The following CDK5RAP2 variants were observed in gnomAD, a reference collection of about 807,000 sequenced individuals.
CDK5RAP2 encodes the protein CDK5 regulatory subunit associated protein 2, also known as CDK5 regulatory subunit-associated protein 2.
Under a neutral mutation model 232.9 loss-of-function variants are expected in CDK5RAP2, and 147 were observed. The observed-to-expected ratio is 0.63, with a 90% CI of 0.55 to 0.72. The LOEUF is 0.72. Ranked by LOEUF, CDK5RAP2 falls within the 30% of genes least tolerant of loss-of-function variation. CDK5RAP2 has a pLI of 0.00. For missense variants in CDK5RAP2, 2,195 were observed against 2,231.5 expected (o/e 0.98, Z 0.33); for synonymous variants, 833 against 833.7 (o/e 1.00, Z 0.01).
At chr9:120,437,766 A>AAAGTACAG (rs1187741120) in intron 24 of CDK5RAP2, among the ~76,000 whole-genome samples, 1 of 152,240 alleles carries the variant, frequency 6.6e-6, no homozygotes, top group Non-Finnish European at 1.5e-5. Flanking sequence ...GCCCCCAATT[A>AAAGTACAG]AAGTACAGAT....
chr9:120,442,619 C>G (rs1277307532), intron 23 of CDK5RAP2, among the ~76,000 whole-genome samples: 1 of 152,206 alleles, frequency 6.6e-6, no homozygotes, highest in Non-Finnish European at 1.5e-5. Flanking sequence ...GTATTAATAA[C>G]TATCAAGAAG....
chr9:120,545,802 G>T lies in CDK5RAP2; in HGVS notation c.307-12C>A. 2 of 1,606,330 alleles carry T rather than the reference G, an allele frequency of 1.2e-6. No individual in the cohort carries two copies. The highest frequency in any genetic ancestry group is 1.7e-6 in the Non-Finnish European group (2 of 1,173,188). On this transcript the variant is annotated splice_polypyrimidine_tract_variant and intron_variant, in intron 4 of 37. Transcript: ENST00000349780. ...TTGAGCTCAATGTTCTACAAAACAA[G>T]ATTAAGAAAGAAAAGAAACAATGTA...
chr9:120,490,035 G>A (rs1048753655), intron 13 of CDK5RAP2, among the ~76,000 whole-genome samples: 2 of 152,134 alleles, frequency 1.3e-5, no homozygotes, highest in Non-Finnish European at 2.9e-5. Context: ...TCAAACTCCC[G>A]ACCTCGGGTT....
At chr9:120,578,218 G>T (rs1311255672) in intron 1 of CDK5RAP2, among the ~76,000 whole-genome samples, 4 of 152,198 alleles carry the variant, frequency 2.6e-5, no homozygotes, top group African/African-American at 9.7e-5. Flanking sequence ...AGTGAGCCGA[G>T]ATCGCGCCAC....
chr9:120,400,499 CAT>C (rs1221887997), intron 35 of CDK5RAP2, among the ~76,000 whole-genome samples: 2 of 152,232 alleles, frequency 1.3e-5, no homozygotes, highest in Admixed American at 6.5e-5. Flanking sequence ...CTGGTTCCCT[CAT>C]GTGTAGAATG....
intron 6 of CDK5RAP2, among the ~76,000 whole-genome samples, chr9:120,537,305 C>T (rs1446928984): frequency 1.3e-5 from 2 of 152,130 alleles, no homozygotes; most frequent in Non-Finnish European, 2.9e-5. Context: ...AAAGAGCTAC[C>T]ATGAGTCTCT....
chr9:120,389,026 AG>A lies in CDK5RAP2; in HGVS notation c.*209del. 1.7e-6 allele frequency: 1 copy of A among 602,908 alleles called. No individual in the cohort carries two copies. The highest frequency in any genetic ancestry group is 2.8e-5 in the East Asian group (1 of 36,310). 37.3% of individuals were successfully genotyped at this position (602,908 alleles called of 1,614,324 possible). ...CTGAAATACAACATCCAAGAGCTCG[AG>A]GCCTTTTTACCACCCGTTTGTGGAG... On this transcript the variant is annotated 3_prime_UTR_variant, in exon 38 of 38. Transcript: ENST00000349780.
rs187712130 is a variant in CDK5RAP2 at position 120,533,416 on chromosome 9, C to T, written c.662+2956G>A. Among the ~76,000 whole-genome samples the T allele has an allele frequency of 5.7e-3, 873 of 152,256 alleles. 5 individuals are homozygous for T. Among genetic ancestry groups the T allele is most frequent in the Non-Finnish European group, 0.01 (690 of 68,010 alleles). ...GTGCCAACTGAAGGTATCATCTTCC[C>T]TCTCCCTCCACCCAAAAACATTTCC... On this transcript the variant is annotated intron_variant, in intron 7 of 37. Transcript: ENST00000349780.
intron 12 of CDK5RAP2, among the ~76,000 whole-genome samples, chr9:120,494,983 G>T (rs1387437202): frequency 1.5e-5 from 2 of 131,360 alleles, no homozygotes; most frequent in Non-Finnish European, 3.1e-5. Context: ...CCGCCCGACC[G>T]CCGGGAGGAT....
Position 120,389,258 on chromosome 9 carries a change from C to T in CDK5RAP2, c.5660G>A (p.Ser1887Asn). Reference sequence around the variant, plus strand: ...TTCTCAGGAGCCTGGTCTGCTGGGACTGCATGTTCCTGGATGGGCTCCCCC... The same window carrying T: ...TTCTCAGGAGCCTGGTCTGCTGGGATTGCATGTTCCTGGATGGGCTCCCCC... ...RPGGAHPGTC[S>N]PSRPGS The change falls in exon 38 of 38, where the codon AGT (serine) becomes AAT (asparagine). Residue 1887 changes from serine to asparagine, a missense_variant. By Grantham distance (46) the Ser-to-Asn change is conservative (BLOSUM62 1). Coordinates refer to ENST00000349780, the MANE Select transcript of CDK5RAP2 (RefSeq NM_018249.6). The T allele has an allele frequency of 6.2e-7, 1 of 1,612,970 alleles. No individual in the cohort carries two copies. Among genetic ancestry groups the T allele is most frequent in the Non-Finnish European group, 8.5e-7 (1 of 1,179,480 alleles).
intron 1 of CDK5RAP2, among the ~76,000 whole-genome samples, chr9:120,578,292 T>C (rs2043110101): frequency 6.6e-6 from 1 of 152,012 alleles, no homozygotes; most frequent in Admixed American, 6.6e-5. Context: ...AAAAAATAGT[T>C]TTCAAATTGT....
intron 7 of CDK5RAP2, among the ~76,000 whole-genome samples, chr9:120,533,593 A>T (rs554616072): frequency 1.3e-5 from 2 of 151,982 alleles, no homozygotes; most frequent in East Asian, 3.9e-4. Context: ...CAGGTGTTCA[A>T]GACCAGCCTG....
At chr9:120,502,765 G>A (rs1054565445) in intron 12 of CDK5RAP2, among the ~76,000 whole-genome samples, 9 of 152,186 alleles carry the variant, frequency 5.9e-5, no homozygotes, top group African/African-American at 7.2e-5. Context: ...GTACATTTGC[G>A]GTCGGGGGTC....
intron 24 of CDK5RAP2, 145 bp from the exon 25 acceptor site, chr9:120,437,672 G>A (rs2035666846): frequency 3.0e-6 from 2 of 656,048 alleles, no homozygotes; most frequent in Non-Finnish European, 5.4e-6. Context: ...AATTGAAACT[G>A]TACAAGGTCA....
At chr9:120,429,430 T>C (rs1203193343) in intron 25 of CDK5RAP2, among the ~76,000 whole-genome samples, 1 of 152,166 alleles carries the variant, frequency 6.6e-6, no homozygotes, top group Non-Finnish European at 1.5e-5. Flanking sequence ...ACAAAATCGA[T>C]GTACAAAAAT....
intron 4 of CDK5RAP2, among the ~76,000 whole-genome samples, chr9:120,549,952 T>A (rs988322460): frequency 6.6e-6 from 1 of 152,230 alleles, no homozygotes; most frequent in Non-Finnish European, 1.5e-5. Context: ...TTTAAGTTCA[T>A]CTGCTGAAAC....
chr9:120,417,803 G>T (rs1195294680), intron 27 of CDK5RAP2, among the ~76,000 whole-genome samples: 4 of 151,750 alleles, frequency 2.6e-5, no homozygotes, highest in Non-Finnish European at 5.9e-5. Flanking sequence ...AAAAAAAAAA[G>T]TGTGTATCTC....
rs373806149 is a variant in CDK5RAP2, at chr9:120,452,238, G to GTCTCTCTCTCTCTC, written c.2793+1204_2793+1217dup. On this transcript the variant is annotated intron_variant, in intron 21 of 37. Transcript: ENST00000349780. ...TTCTAGTACCGTTAATATAATGGCAGTCTCTCTCTCTCTCTCTCTCTCTCT... is the reference window on the plus strand; with the variant it reads ...TTCTAGTACCGTTAATATAATGGCAGTCTCTCTCTCTCTCTCTCTCTCTCTCTCTCTCTCTCTCT... Among the ~76,000 whole-genome samples, 851 of 142,918 alleles carry GTCTCTCTCTCTCTC rather than the reference G, an allele frequency of 6.0e-3. 14 individuals are homozygous for GTCTCTCTCTCTCTC. Among genetic ancestry groups the GTCTCTCTCTCTCTC allele is most frequent in the African/African-American group, 0.02 (789 of 38,690 alleles). 93.8% of individuals were successfully genotyped at this position (142,918 alleles called of 152,430 possible). A position where few individuals can be genotyped will look rare whatever the true frequency, so the allele number is the denominator to read the frequency against.
chr9:120,437,346 G>T lies in CDK5RAP2; in HGVS notation c.3904C>A (p.Leu1302Met). 1 of 1,614,052 alleles carries T rather than the reference G, an allele frequency of 6.2e-7. No individual in the cohort carries two copies. Among genetic ancestry groups the T allele is most frequent in the Non-Finnish European group, 8.5e-7 (1 of 1,179,988 alleles). The change falls in exon 25 of 38, where the codon CTG (leucine) becomes ATG (methionine). Residue 1302 changes from leucine (L) to methionine (M), a missense_variant. Leu to Met is a conservative substitution (Grantham distance 15). Coordinates refer to ENST00000349780, the MANE Select transcript of CDK5RAP2 (RefSeq NM_018249.6). ...TCCAGCAGCTCAGCACATTGATTCA[G>T]CTGTTCCTGGAAACCCTCGGCCACA... is the stretch of plus-strand genomic sequence containing the variant. ...YCVAEGFQEQ[L>M]NQCAELLEKL... is the part of the protein sequence containing the mutation.
Sources: allele counts gnomAD v4.1 joint callset (sites outside exome capture counted in the v4.1 genomes callset), GRCh38; gene constraint gnomAD v4.1.1; transcripts MANE v1.5; gene names NCBI Gene and HGNC (gene_info 2026-07-23, HGNC 2026-07-21).